OTUD7B: variants seen among roughly 807,000 people sequenced by gnomAD.
OTUD7B encodes the protein OTU deubiquitinase 7B.
A neutral mutation model predicts 82.2 loss-of-function variants in OTUD7B; 34 were observed. That is an observed-to-expected ratio of 0.41 (90% CI 0.31 to 0.55). The LOEUF is 0.55. Ranked by LOEUF, OTUD7B falls within the 20% of genes least tolerant of loss-of-function variation. The pLI is 0.20. For missense variants in OTUD7B, 944 were observed against 1,062.1 expected (o/e 0.89, Z 1.55); for synonymous variants, 398 against 402.7 (o/e 0.99, Z 0.14).
intron 2 of OTUD7B, among the ~76,000 whole-genome samples, chr1:149,972,198 C>T (rs1553777763): frequency 1.3e-5 from 2 of 152,188 alleles, no homozygotes; most frequent in African/African-American, 4.8e-5. Flanking sequence ...CAGTGCCTAC[C>T]TCATAGAGCT....
intron 1 of OTUD7B, among the ~76,000 whole-genome samples, chr1:149,996,462 A>G (rs1197074191): frequency 6.6e-6 from 1 of 152,262 alleles, no homozygotes; most frequent in East Asian, 1.9e-4. Flanking sequence ...ACAGTGGCAT[A>G]ATGTAACAAT....
At chr1:149,953,251 C>T (rs1263248606) in intron 7 of OTUD7B, among the ~76,000 whole-genome samples, 3 of 152,204 alleles carry the variant, frequency 2.0e-5, no homozygotes, top group Non-Finnish European at 2.9e-5. Context: ...GATCCAGTTT[C>T]AGCTTTCTAC....
chr1:150,007,827 C>G (rs1652764724), intron 1 of OTUD7B, among the ~76,000 whole-genome samples: 2 of 152,176 alleles, frequency 1.3e-5, no homozygotes. Flanking sequence ...AAAAAAGATT[C>G]CACAGTCTGC....
intron 9 of OTUD7B, among the ~76,000 whole-genome samples, chr1:149,949,357 C>A (rs1229746468): frequency 1.3e-5 from 2 of 152,154 alleles, no homozygotes; most frequent in Non-Finnish European, 2.9e-5. Context: ...AGAATTCAGT[C>A]ATAATTTAAG....
intron 1 of OTUD7B, among the ~76,000 whole-genome samples, chr1:150,004,630 A>T (rs1181479761): frequency 6.6e-6 from 1 of 151,482 alleles, no homozygotes; most frequent in African/African-American, 2.4e-5. Context: ...ATATAAACTT[A>T]TAAGCCTAGC....
intron 7 of OTUD7B, among the ~76,000 whole-genome samples, chr1:149,951,046 G>A (rs1222891133): frequency 8.4e-5 from 12 of 142,198 alleles, no homozygotes; most frequent in Admixed American, 2.9e-4. Flanking sequence ...GCAGTGGTGC[G>A]ATTTGGGCTC....
the OTUD7B span, among the ~76,000 whole-genome samples, chr1:150,023,521 T>C: frequency 1.3e-5 from 2 of 152,134 alleles, no homozygotes; most frequent in Non-Finnish European, 2.9e-5. Context: ...CTAAGTGAAG[T>C]GAGTCAGGTA....
At chr1:150,037,227 AAGAAGCCG>A in the OTUD7B span, among the ~76,000 whole-genome samples, 52 of 142,232 alleles carry the variant, frequency 3.7e-4, no homozygotes, top group Admixed American at 1.8e-3. Flanking sequence ...CAAAATGTTC[AAGAAGCCG>A]CACAAAATAC....
At chr1:149,975,538 CAT>C (rs1479333804) in intron 2 of OTUD7B, among the ~76,000 whole-genome samples, 5 of 152,044 alleles carry the variant, frequency 3.3e-5, no homozygotes, top group South Asian at 4.1e-4. Context: ...GTGTTCAACA[CAT>C]GTTATAAGAG....
At chr1:150,064,026 G>A in the OTUD7B span, among the ~76,000 whole-genome samples, 988 of 152,170 alleles carry the variant, frequency 6.5e-3, 9 homozygotes, top group Middle Eastern at 0.017. Flanking sequence ...AGAAGCTATG[G>A]ATGACATTTT....
intron 2 of OTUD7B, among the ~76,000 whole-genome samples, chr1:149,973,035 C>A (rs2101843734): frequency 6.6e-6 from 1 of 152,282 alleles, no homozygotes; most frequent in Admixed American, 6.5e-5. Context: ...TCCCTCACCA[C>A]CAAGTCAATT....
the OTUD7B span, among the ~76,000 whole-genome samples, chr1:150,035,183 C>CAGTA: frequency 6.6e-6 from 1 of 151,390 alleles, no homozygotes; most frequent in Non-Finnish European, 1.5e-5. Flanking sequence ...AGTACTAATA[C>CAGTA]AGTACACTGC....
At chr1:150,028,023 T>C in the OTUD7B span, among the ~76,000 whole-genome samples, 3 of 152,230 alleles carry the variant, frequency 2.0e-5, no homozygotes, top group African/African-American at 4.8e-5. Flanking sequence ...TTAGGCTGAA[T>C]TCCCTTAAAT....
intron 2 of OTUD7B, among the ~76,000 whole-genome samples, chr1:149,973,416 C>T (rs1650063327): frequency 6.6e-6 from 1 of 152,066 alleles, no homozygotes; most frequent in Non-Finnish European, 1.5e-5. Context: ...AGAGTGAGAC[C>T]CCATCTCATA....
chr1:150,045,094 A>ATTT, the OTUD7B span, among the ~76,000 whole-genome samples: 5 of 146,498 alleles, frequency 3.4e-5, no homozygotes, highest in African/African-American at 1.0e-4. Flanking sequence ...CTTAAACTAA[A>ATTT]TTTTTTTTTT....
At chr1:149,958,288 T>C (rs1373005241) in intron 7 of OTUD7B, among the ~76,000 whole-genome samples, 2 of 151,330 alleles carry the variant, frequency 1.3e-5, no homozygotes, top group East Asian at 3.9e-4. Flanking sequence ...TTTATTTTAT[T>C]TCAGTTTCTA....
Position 149,944,435 on chromosome 1 carries a change from T to C in OTUD7B, c.1954A>G (p.Ile652Val). ...CCACCCCCTATTCCTCCATTCATGA[T>C]CTTCCTCTCTGCCTCCTTCTGCTTC... Reference protein sequence around the residue: ...EQKQKEAERKIMNGGIGGGPP... With the variant: ...EQKQKEAERKVMNGGIGGGPP... Residue 652 changes from isoleucine to valine, a missense_variant, in exon 12 of 12, where the codon ATC (isoleucine) becomes GTC (valine). By Grantham distance (29) the Ile-to-Val change is conservative. Coordinates refer to ENST00000581312, the MANE Select transcript of OTUD7B (RefSeq NM_020205.4). The C allele has an allele frequency of 6.2e-7, 1 of 1,614,174 alleles. No individual in the cohort carries two copies. Among genetic ancestry groups the C allele is most frequent in the South Asian group, 1.1e-5 (1 of 91,080 alleles).
intron 10 of OTUD7B, among the ~76,000 whole-genome samples, chr1:149,948,592 G>A (rs1476862807): frequency 1.3e-5 from 2 of 151,584 alleles, no homozygotes; most frequent in Non-Finnish European, 2.9e-5. Flanking sequence ...GGCTTGTCTC[G>A]AACTCCTGAC....
chr1:149,950,977 A>G (rs75286837), intron 7 of OTUD7B, among the ~76,000 whole-genome samples: 2 of 22,404 alleles, frequency 8.9e-5, no homozygotes, highest in Admixed American at 4.9e-4. Flanking sequence ...TACTTTTTGT[A>G]TTTTTTTTTT....
Sources: allele counts gnomAD v4.1 joint callset (sites outside exome capture counted in the v4.1 genomes callset), GRCh38; gene constraint gnomAD v4.1.1; transcripts MANE v1.5; gene names NCBI Gene and HGNC (gene_info 2026-07-23, HGNC 2026-07-21).